ZNF79: variants seen among roughly 807,000 people sequenced by gnomAD.
ZNF79 encodes ZNFpT7.
A neutral mutation model predicts 14.9 loss-of-function variants in ZNF79; 13 were observed. That is an observed-to-expected ratio of 0.87 (90% CI 0.57 to 1.38). The LOEUF is 1.38. Among genes scored for constraint, ZNF79 ranks in the 40% most tolerant of loss-of-function variants. The pLI, the probability that ZNF79 is intolerant of heterozygous loss-of-function variation, is 0.00. For missense variants in ZNF79, 631 were observed against 630.6 expected (o/e 1.00, Z -0.01); for synonymous variants, 223 against 235.1 (o/e 0.95, Z 0.47).
chr9:127,433,461 A>G (rs77312492), intron 2 of ZNF79, among the ~76,000 whole-genome samples: 2,028 of 152,232 alleles, frequency 0.013, 17 homozygotes, highest in Non-Finnish European at 0.02. Context: ...TGACCAGGAA[A>G]TGATTTCTGC....
At chr9:127,437,679 T>G (rs1005218070) in intron 4 of ZNF79, among the ~76,000 whole-genome samples, 2 of 151,658 alleles carry the variant, frequency 1.3e-5, no homozygotes, top group Non-Finnish European at 2.9e-5. Context: ...CCTTGCCTCT[T>G]TCTAGTTTCC....
intron 4 of ZNF79, among the ~76,000 whole-genome samples, chr9:127,439,879 T>C (rs1834019833): frequency 6.6e-6 from 1 of 152,206 alleles, no homozygotes; most frequent in South Asian, 2.1e-4. Flanking sequence ...TTTTTTTTTC[T>C]TGAGACGGAG....
At chr9:127,440,910 A>C (rs1476360087) in intron 4 of ZNF79, among the ~76,000 whole-genome samples, 20 of 152,116 alleles carry the variant, frequency 1.3e-4, no homozygotes, top group Admixed American at 1.3e-3. Context: ...CGCTGGGTTA[A>C]AAGGGAGATC....
intron 4 of ZNF79, among the ~76,000 whole-genome samples, chr9:127,440,453 T>C (rs2131959974): frequency 6.6e-6 from 1 of 152,256 alleles, no homozygotes; most frequent in South Asian, 2.1e-4. Flanking sequence ...TGGCCAGAGC[T>C]TAGTAAACAC....
Position 127,444,261 on chromosome 9 carries a change from TCA to T in ZNF79, c.564_565del (p.His188GlnfsTer8), listed in dbSNP as rs1202644216. ...SFKNSEILKP[H>X]RAKPYACNEC... ...TCAAGAACTCGGAAATCCTGAAACC[TCA>T]CAGAGCAAAACCATATGCATGTAAT... On this transcript the variant is annotated frameshift_variant, in exon 5 of 5. Coordinates refer to ENST00000342483, the MANE Select transcript of ZNF79 (RefSeq NM_007135.3). LOFTEE classifies it low-confidence loss of function (END_TRUNC). The T allele has an allele frequency of 6.2e-7, 1 of 1,613,680 alleles. No homozygotes were observed. The highest frequency in any genetic ancestry group is 2.2e-5 in the East Asian group (1 of 44,870).
intron 1 of ZNF79, among the ~76,000 whole-genome samples, chr9:127,427,573 G>C (rs1299784346): frequency 1.7e-5 from 2 of 119,456 alleles, no homozygotes; most frequent in Admixed American, 2.2e-4. Flanking sequence ...GCAGAGTCTT[G>C]CTTTGTTGCC....
intron 2 of ZNF79, among the ~76,000 whole-genome samples, chr9:127,431,776 C>A (rs1833865790): frequency 6.6e-6 from 1 of 152,142 alleles, no homozygotes; most frequent in Non-Finnish European, 1.5e-5. Flanking sequence ...AAGGTAGGGG[C>A]CCAGTTTCAC....
chr9:127,431,446 T>A (rs4400486), intron 2 of ZNF79, among the ~76,000 whole-genome samples: 92,333 of 151,714 alleles, frequency 0.61, 28,446 homozygotes, highest in African/African-American at 0.64. Context: ...ACGGGGTTTT[T>A]CCTTTTTGGC....
In ZNF79 at chr9:127,435,097, C is replaced by CA. The variant is rs776469957; in HGVS notation, c.114dup (p.Phe39IlefsTer87). 2.5e-6 allele frequency: 4 copies of CA among 1,609,268 alleles called. No individual in the cohort carries two copies. In the South Asian group the frequency reaches 4.4e-5, roughly 18 times the overall value. On this transcript the variant is annotated frameshift_variant, in exon 3 of 5. Transcript: ENST00000342483. LOFTEE classifies it high-confidence loss of function. ...ATGTGCTTGTTTTTTCAGGGATCCA[C>CA]ATTCTTCAGCAGTGTGACGGTAGCT...
chr9:127,435,002 C>G (rs2131951935), intron 2 of ZNF79, 88 bp from the exon 3 acceptor site: 1 of 1,442,952 alleles, frequency 6.9e-7, no homozygotes, highest in South Asian at 1.4e-5. Flanking sequence ...AAGACTTTTC[C>G]AGCTCCCCCA....
intron 2 of ZNF79, among the ~76,000 whole-genome samples, chr9:127,433,971 C>T (rs553006266): frequency 6.6e-6 from 1 of 152,186 alleles, no homozygotes; most frequent in Non-Finnish European, 1.5e-5. Flanking sequence ...TCTCAAGACA[C>T]AGTTGCCTTC....
intron 1 of ZNF79, among the ~76,000 whole-genome samples, chr9:127,427,146 A>C (rs1462932840): frequency 1.3e-5 from 2 of 151,746 alleles, no homozygotes; most frequent in Non-Finnish European, 2.9e-5. Context: ...GGCCAGGCAC[A>C]GTGGCTCACA....
rs944498048 is a variant in ZNF79, at chr9:127,444,913, A to G, written c.1213A>G (p.Ile405Val). ...GGCCTTCAGCCAGAGTACCAATCTC[A>G]TAATCCACCAAAAGACCCACACCGG... Reference protein sequence around the residue: ...GKAFSQSTNLIIHQKTHTGEK... With the variant: ...GKAFSQSTNLVIHQKTHTGEK... The change falls in exon 5 of 5, where the codon ATA becomes GTA. Residue 405 changes from isoleucine to valine, a missense_variant. Transcript: ENST00000342483. 2 of 1,613,396 alleles carry G rather than the reference A, an allele frequency of 1.2e-6. No homozygotes were observed. The highest frequency in any genetic ancestry group is 1.7e-6 in the Non-Finnish European group (2 of 1,179,818).
At chr9:127,428,325 A>T (rs1487756572) in intron 1 of ZNF79, among the ~76,000 whole-genome samples, 1 of 152,094 alleles carries the variant, frequency 6.6e-6, no homozygotes, top group East Asian at 1.9e-4. Context: ...TTTTGGGTTA[A>T]TTTTTATATA....
At chr9:127,427,006 C>G (rs1312421821) in intron 1 of ZNF79, among the ~76,000 whole-genome samples, 2 of 152,054 alleles carry the variant, frequency 1.3e-5, no homozygotes, top group Admixed American at 1.3e-4. Flanking sequence ...GATGTGTTCT[C>G]TCATTGTGGT....
At chr9:127,426,686 C>G (rs1833761691) in intron 1 of ZNF79, among the ~76,000 whole-genome samples, 2 of 152,220 alleles carry the variant, frequency 1.3e-5, no homozygotes, top group Admixed American at 6.5e-5. Context: ...CAGGTTATAG[C>G]ATGCGTCAGT....
chr9:127,430,289 G>A lies in ZNF79; in HGVS notation c.105+1369G>A, dbSNP rs1833837317. On this transcript the variant is annotated intron_variant, in intron 2 of 4. Coordinates refer to ENST00000342483, the MANE Select transcript of ZNF79 (RefSeq NM_007135.3). ...AATTTCACCTTACTATTTTAGATTC[G>A]GGGGTATGTGTGCAGGGTTGTTAAA... is the stretch of plus-strand genomic sequence containing the variant. 3.3e-5 allele frequency among the ~76,000 whole-genome samples: 5 copies of A among 151,932 alleles called. No homozygotes were observed. In the South Asian group the frequency reaches 1.0e-3, roughly 32 times the overall value.
In ZNF79 at chr9:127,445,369, T is replaced by C; in HGVS notation, c.*172T>C. Reference sequence around the variant, plus strand: ...AATAAACAGCCACTATTTCACATGCTGTATATGGACGCTCAGCTCTCCATC... The same window carrying C: ...AATAAACAGCCACTATTTCACATGCCGTATATGGACGCTCAGCTCTCCATC... On this transcript the variant is annotated 3_prime_UTR_variant, in exon 5 of 5. Coordinates refer to ENST00000342483, the MANE Select transcript of ZNF79 (RefSeq NM_007135.3). 1.5e-6 allele frequency: 1 copy of C among 646,712 alleles called. No homozygotes were observed. The highest frequency in any genetic ancestry group is 3.0e-5 in the Admixed American group (1 of 33,826). 40.1% of individuals were successfully genotyped at this position (646,712 alleles called of 1,614,324 possible). A position where few individuals can be genotyped will look rare whatever the true frequency, so the allele number is the denominator to read the frequency against.
intron 1 of ZNF79, chr9:127,425,033 C>T: frequency 9.0e-7 from 1 of 1,109,904 alleles, no homozygotes; most frequent in South Asian, 1.6e-5. Context: ...AGTTTGAGGA[C>T]CTCAGACTGC....
Sources: gnomAD v4.1 joint callset for allele counts (sites outside exome capture counted in the v4.1 genomes callset) on GRCh38, gnomAD v4.1.1 for gene constraint, MANE v1.5 for transcripts, NCBI Gene and HGNC (gene_info 2026-07-23, HGNC 2026-07-21) for gene names.